Variants in DAB1 observed in about 807,000 individuals in gnomAD.
DAB1 encodes the protein disabled homolog 1.
In DAB1, 15 loss-of-function variants were observed where a neutral mutation model predicts 64.6. The observed-to-expected ratio is 0.23, with a 90% CI of 0.16 to 0.36. The LOEUF (loss-of-function observed/expected upper bound fraction) is 0.36, where lower values mean the gene tolerates loss of function less well. Among genes scored for constraint, DAB1 ranks in the 10% least tolerant of loss-of-function variants. The probability of loss-of-function intolerance (pLI) is 1.00; values close to 1 mark genes in which losing one functional copy is unlikely to be tolerated. For synonymous variants in DAB1, 235 were observed against 251.9 expected (o/e 0.93, Z 0.64); for missense variants, 596 against 706.7 (o/e 0.84, Z 1.78).
At chr1:57,606,152 G>T in intron 7 of DAB1, 1 of 374,404 alleles carries the variant, frequency 2.7e-6, no homozygotes, top group Non-Finnish European at 5.1e-6. Context: ...ATGCAAATTT[G>T]GTGAATTGCC....
intron 6 of DAB1, among the ~76,000 whole-genome samples, chr1:57,724,000 G>A (rs2101762697): frequency 6.6e-6 from 1 of 152,126 alleles, no homozygotes; most frequent in East Asian, 1.9e-4. Context: ...CTTCAATCCT[G>A]TCAAAATAAA....
chr1:57,628,164 T>TCATTTGTAAAA (rs936993139), intron 7 of DAB1, among the ~76,000 whole-genome samples: 1 of 152,222 alleles, frequency 6.6e-6, no homozygotes, highest in Non-Finnish European at 1.5e-5. Context: ...TCTCTGAGCT[T>TCATTTGTAAAA]CAGACTCCTC....
intron 4 of DAB1, among the ~76,000 whole-genome samples, chr1:58,269,843 G>A (rs1424845364): frequency 1.1e-3 from 54 of 47,602 alleles, no homozygotes; most frequent in African/African-American, 4.1e-3. Flanking sequence ...GTCTGTTCAT[G>A]TCCCTCGCCC....
intron 5 of DAB1, among the ~76,000 whole-genome samples, chr1:58,060,621 C>G (rs1648435375): frequency 6.6e-6 from 1 of 152,142 alleles, no homozygotes; most frequent in Non-Finnish European, 1.5e-5. Flanking sequence ...TTTCTGCACC[C>G]TCTGTGGGGT....
chr1:57,344,008 T>G (rs1277851194), intron 1 of DAB1, among the ~76,000 whole-genome samples: 1 of 152,270 alleles, frequency 6.6e-6, no homozygotes, highest in East Asian at 1.9e-4. Flanking sequence ...TGCCAGCCAC[T>G]GTGTAAGCAC....
At chr1:58,399,865 C>A (rs926905744) in intron 3 of DAB1, among the ~76,000 whole-genome samples, 1 of 152,030 alleles carries the variant, frequency 6.6e-6, no homozygotes, top group Non-Finnish European at 1.5e-5. Flanking sequence ...CTAGAAAATG[C>A]CAAACCAAGA....
chr1:57,233,458 A>G (rs1488023041), intron 2 of DAB1, among the ~76,000 whole-genome samples: 2 of 150,236 alleles, frequency 1.3e-5, no homozygotes, highest in African/African-American at 2.4e-5. Flanking sequence ...TTCTTAACAA[A>G]CTTATTTTAA....
At chr1:57,615,595 C>T (rs1041863004) in intron 7 of DAB1, among the ~76,000 whole-genome samples, 4 of 152,160 alleles carry the variant, frequency 2.6e-5, no homozygotes, top group Admixed American at 6.5e-5. Context: ...TAACTGACAA[C>T]ACTGGGGGAA....
intron 6 of DAB1, among the ~76,000 whole-genome samples, chr1:57,739,309 C>A (rs1007947441): frequency 3.3e-5 from 5 of 151,988 alleles, no homozygotes; most frequent in African/African-American, 1.2e-4. Context: ...ATCTGAAGTG[C>A]TCTCACATTT....
At chr1:58,181,695 G>GCTAGTCTGTTGACTTGTGACTTGC (rs1656802800) in intron 4 of DAB1, among the ~76,000 whole-genome samples, 3 of 150,962 alleles carry the variant, frequency 2.0e-5, no homozygotes, top group African/African-American at 7.4e-5. Flanking sequence ...ATAAAATATG[G>GCTAGTCTGTTGACTTGTGACTTGC]AAATTTTGTT....
chr1:57,152,393 C>T (rs1299446580), intron 2 of DAB1, among the ~76,000 whole-genome samples: 5 of 152,182 alleles, frequency 3.3e-5, no homozygotes, highest in Admixed American at 3.3e-4. Context: ...GATCTCAATC[C>T]AAGGCTCTTC....
chr1:57,225,082 C>A (rs761251004), intron 2 of DAB1, among the ~76,000 whole-genome samples: 2 of 152,164 alleles, frequency 1.3e-5, no homozygotes, highest in African/African-American at 4.8e-5. Context: ...TCTTGCCACT[C>A]TGTGTATCTT....
chr1:57,817,125 G>C (rs568422404), intron 6 of DAB1, among the ~76,000 whole-genome samples: 1 of 148,540 alleles, frequency 6.7e-6, no homozygotes, highest in Admixed American at 6.8e-5. Flanking sequence ...ATGAAGAGAG[G>C]TGAAGCACTT....
intron 2 of DAB1, among the ~76,000 whole-genome samples, chr1:57,182,442 C>G (rs777880098): frequency 6.6e-6 from 1 of 152,162 alleles, no homozygotes; most frequent in Non-Finnish European, 1.5e-5. Flanking sequence ...CTAGCAGATA[C>G]GGGGCTAGAG....
In DAB1 at chr1:58,091,968, A is replaced by ACACACACACACAC. The variant is rs1553159212; in HGVS notation, n.387+58542_387+58543insGTGTGTGTGTGTG. 2.5e-3 allele frequency among the ~76,000 whole-genome samples: 385 copies of ACACACACACACAC among 151,456 alleles called. 2 individuals carry two copies. Among genetic ancestry groups the ACACACACACACAC allele is most frequent in the African/African-American group, 8.9e-3 (366 of 41,154 alleles). The stretch of plus-strand genomic sequence containing the variant: ...CACACACACACACACACACACACAC[A>ACACACACACACAC]AACTAACATAGCTTAAGTAGCTTTA... On this transcript the variant is annotated intron_variant and non_coding_transcript_variant, in intron 5 of 20. Transcript: ENST00000485760.
chr1:57,782,521 G>A (rs1175199101), intron 6 of DAB1, among the ~76,000 whole-genome samples: 1 of 152,122 alleles, frequency 6.6e-6, no homozygotes, highest in Non-Finnish European at 1.5e-5. Context: ...TAGATATTAT[G>A]TTATCATCTA....
intron 3 of DAB1, among the ~76,000 whole-genome samples, chr1:58,503,514 G>A (rs962952480): frequency 6.6e-6 from 1 of 151,998 alleles, no homozygotes; most frequent in Non-Finnish European, 1.5e-5. Flanking sequence ...TCTGTGTCCT[G>A]TCAAAATTTA....
intron 2 of DAB1, among the ~76,000 whole-genome samples, chr1:57,252,156 T>C (rs918351924): frequency 6.6e-6 from 1 of 152,240 alleles, no homozygotes; most frequent in Admixed American, 6.5e-5. Context: ...AATGTAAAGA[T>C]ACATTCATTT....
chr1:58,302,284 T>C (rs1662190089), intron 4 of DAB1, among the ~76,000 whole-genome samples: 1 of 152,124 alleles, frequency 6.6e-6, no homozygotes, highest in South Asian at 2.1e-4. Context: ...GAATGTTGCC[T>C]ATATAAAGAA....
Sources: gnomAD v4.1 joint callset for allele counts (sites outside exome capture counted in the v4.1 genomes callset) on GRCh38, gnomAD v4.1.1 for gene constraint, MANE v1.5 for transcripts, NCBI Gene and HGNC (gene_info 2026-07-23, HGNC 2026-07-21) for gene names.